FAM120C: variants seen among roughly 807,000 people sequenced by gnomAD.
The protein encoded by FAM120C is constitutive coactivator of PPAR-gamma-like protein 2.
A neutral mutation model predicts 71.2 loss-of-function variants in FAM120C; 14 were observed. That is an observed-to-expected ratio of 0.20 (90% CI 0.13 to 0.31). The LOEUF (loss-of-function observed/expected upper bound fraction) is 0.31, where lower values mean the gene tolerates loss of function less well. Ranked by LOEUF, FAM120C falls within the 10% of genes least tolerant of loss-of-function variation. The pLI is 1.00. For synonymous variants in FAM120C, 354 were observed against 353.2 expected (o/e 1.00, Z -0.03); for missense variants, 500 against 879.0 (o/e 0.57, Z 5.45).
intron 10 of FAM120C, among the ~76,000 whole-genome samples, chrX:54,096,796 A>T (rs187331641): frequency 7.3e-4 from 81 of 111,695 alleles, no homozygotes; most frequent in East Asian, 5.1e-3. Context: ...CTTAGCATAG[A>T]TTCCTAGAAG....
intron 10 of FAM120C, among the ~76,000 whole-genome samples, chrX:54,116,231 GAC>G (rs782318915): frequency 8.9e-6 from 1 of 112,048 alleles, no homozygotes; most frequent in East Asian, 2.8e-4. Flanking sequence ...GGCTTGGAAG[GAC>G]ACACATCAAA....
intron 3 of FAM120C, among the ~76,000 whole-genome samples, chrX:54,153,878 T>C (rs782737677): frequency 7.3e-5 from 8 of 108,932 alleles, no homozygotes; most frequent in African/African-American, 2.7e-4. Flanking sequence ...TTAAAAAATT[T>C]TTAGTAGAGA....
In FAM120C at chrX:54,174,418, T is replaced by C. The variant is rs188507985; in HGVS notation, c.699+8082A>G. On this transcript the variant is annotated intron_variant, in intron 1 of 15. Transcript: ENST00000375180. Reference sequence around the variant, plus strand: ...TGAATGACAAGTGGCACTTCATCATTGTGGCAGGGAGACACCATGGAGCTG... The same window carrying C: ...TGAATGACAAGTGGCACTTCATCATCGTGGCAGGGAGACACCATGGAGCTG... Among the ~76,000 whole-genome samples, 311 of 111,470 alleles carry C rather than the reference T, an allele frequency of 2.8e-3. 3 individuals carry two copies. The highest frequency in any genetic ancestry group is 1.2e-3 in the Non-Finnish European group (66 of 53,083).
At chrX:54,142,488 C>T (rs2067130759) in intron 4 of FAM120C, among the ~76,000 whole-genome samples, 1 of 112,288 alleles carries the variant, frequency 8.9e-6, no homozygotes, top group African/African-American at 3.2e-5. Context: ...GCCTCACTCA[C>T]TGCTGGCACA....
chrX:54,152,511 G>A (rs1557133141), intron 3 of FAM120C, among the ~76,000 whole-genome samples: 1 of 112,147 alleles, frequency 8.9e-6, no homozygotes, highest in East Asian at 2.8e-4. Flanking sequence ...GCCTGCCATG[G>A]CCTCCCAAAG....
chrX:54,094,438 C>T (rs1458912783), intron 10 of FAM120C, among the ~76,000 whole-genome samples: 5 of 108,480 alleles, frequency 4.6e-5, no homozygotes, highest in Non-Finnish European at 9.6e-5. Context: ...AACTAAATCC[C>T]CTGGACCTCT....
intron 3 of FAM120C, among the ~76,000 whole-genome samples, chrX:54,152,087 GGCTCAATGCAACCTCT>G (rs2067186892): frequency 9.3e-6 from 1 of 107,491 alleles, no homozygotes; most frequent in African/African-American, 3.4e-5. Context: ...GTGCAATCTC[GGCTCAATGCAACCTCT>G]GCTTCCCGGG....
rs186999481 is a variant in FAM120C at position 54,077,676 on chromosome X, T to A, written c.3036+2556A>T. On this transcript the variant is annotated intron_variant, in intron 15 of 15. Coordinates refer to ENST00000375180, the MANE Select transcript of FAM120C (RefSeq NM_017848.6). ...AGAGCGAGACCCTGTCTCAAAAAAA[T>A]AATAATAATAAAATGGAGAATAATA... Among the ~76,000 whole-genome samples, 770 of 110,807 alleles carry A rather than the reference T, an allele frequency of 6.9e-3. 3 individuals are homozygous for A. The highest frequency in any genetic ancestry group is 0.01 in the Non-Finnish European group (550 of 52,934).
chrX:54,094,266 T>A (rs952422869), intron 10 of FAM120C, among the ~76,000 whole-genome samples: 3 of 107,116 alleles, frequency 2.8e-5, no homozygotes, highest in Non-Finnish European at 5.8e-5. Flanking sequence ...CCTGGCTAAT[T>A]TTTTGTATTT....
intron 9 of FAM120C, among the ~76,000 whole-genome samples, chrX:54,118,678 A>C (rs1188086665): frequency 2.8e-5 from 2 of 71,230 alleles, no homozygotes; most frequent in Admixed American, 3.0e-4. Flanking sequence ...TTGTGGTTTT[A>C]ATTTGTATTT....
At chrX:54,154,107 G>GTTCCC (rs2067197754) in intron 3 of FAM120C, among the ~76,000 whole-genome samples, 1 of 109,621 alleles carries the variant, frequency 9.1e-6, no homozygotes, top group Non-Finnish European at 1.9e-5. Context: ...GGGGAAGAGT[G>GTTCCC]TAAGTAGAAG....
chrX:54,142,491 C>G (rs1378985291), intron 4 of FAM120C, among the ~76,000 whole-genome samples: 1 of 112,218 alleles, frequency 8.9e-6, no homozygotes, highest in African/African-American at 3.2e-5. Flanking sequence ...TCACTCACTG[C>G]TGGCACAGCA....
At chrX:54,107,424 GA>G (rs2066912714) in intron 10 of FAM120C, among the ~76,000 whole-genome samples, 1 of 110,395 alleles carries the variant, frequency 9.1e-6, no homozygotes, top group South Asian at 3.9e-4. Flanking sequence ...GAAGGTAAAT[GA>G]AATGTACAAC....
chrX:54,112,466 G>A (rs2066942362), intron 10 of FAM120C, among the ~76,000 whole-genome samples: 1 of 110,681 alleles, frequency 9.0e-6, no homozygotes. Context: ...AGAATTTTGG[G>A]AGGCTGAGAC....
intron 4 of FAM120C, among the ~76,000 whole-genome samples, chrX:54,140,522 A>T (rs1368279316): frequency 1.9e-5 from 2 of 106,214 alleles, no homozygotes; most frequent in Admixed American, 2.1e-4. Flanking sequence ...CAGGAGGCTG[A>T]GGCAGGAGAA....
chrX:54,126,449 C>T (rs782481933), intron 9 of FAM120C, among the ~76,000 whole-genome samples: 23 of 111,933 alleles, frequency 2.1e-4, no homozygotes, highest in Non-Finnish European at 4.3e-4. Flanking sequence ...GCCAATTTTT[C>T]ATATACACAG....
At chrX:54,161,173 A>G (rs1033346944) in intron 1 of FAM120C, among the ~76,000 whole-genome samples, 2 of 112,043 alleles carry the variant, frequency 1.8e-5, no homozygotes, top group Non-Finnish European at 3.8e-5. Flanking sequence ...CCCTGGTAAT[A>G]GTTTCTTCCA....
intron 9 of FAM120C, among the ~76,000 whole-genome samples, chrX:54,131,925 G>C (rs1398302411): frequency 1.9e-5 from 2 of 104,522 alleles, no homozygotes; most frequent in Admixed American, 1.0e-4. Context: ...ATTTTTTTTT[G>C]TATTTTTTAG....
rs2039974556 is a variant in FAM120C, at chrX:54,070,809, T to C, written c.*2224A>G. 8.9e-6 allele frequency: 1 copy of C among 111,790 alleles called. No individual in the cohort carries two copies. Among genetic ancestry groups the C allele is most frequent in the South Asian group, 3.7e-4 (1 of 2,702 alleles). 9.2% of individuals were successfully genotyped at this position (111,790 alleles called of 1,213,427 possible). On this transcript the variant is annotated 3_prime_UTR_variant, in exon 16 of 16. Coordinates refer to ENST00000375180, the MANE Select transcript of FAM120C (RefSeq NM_017848.6). ...GATGTACACTCTTGTCATTTTTCTT[T>C]GGTTTATGTAAGAAGTATCTGGGCA...
Sources: allele counts gnomAD v4.1 joint callset (sites outside exome capture counted in the v4.1 genomes callset), GRCh38; gene constraint gnomAD v4.1.1; transcripts MANE v1.5; gene names NCBI Gene and HGNC (gene_info 2026-07-23, HGNC 2026-07-21).